Variants in MAPK8IP1 observed in about 807,000 individuals in gnomAD.
The protein encoded by MAPK8IP1 is C-Jun-amino-terminal kinase-interacting protein 1.
A neutral mutation model predicts 72.6 loss-of-function variants in MAPK8IP1; 17 were observed. The ratio of observed to expected loss-of-function variants is 0.23; its 90% CI spans 0.16 to 0.35. The LOEUF is 0.35. Among genes scored for constraint, MAPK8IP1 ranks in the 10% least tolerant of loss-of-function variants. The pLI, the probability that MAPK8IP1 is intolerant of heterozygous loss-of-function variation, is 1.00. For missense variants in MAPK8IP1, 789 were observed against 1,009.7 expected (o/e 0.78, Z 2.96); for synonymous variants, 401 against 443.4 (o/e 0.90, Z 1.20).
intron 3 of MAPK8IP1, among the ~76,000 whole-genome samples, chr11:45,901,630 CTG>C (rs1479642405): frequency 3.3e-5 from 5 of 152,122 alleles, no homozygotes; most frequent in Non-Finnish European, 7.4e-5. Context: ...GGGGGTCTGA[CTG>C]TGTCTCCAGA....
intron 2 of MAPK8IP1, 149 bp from the exon 3 acceptor site, chr11:45,899,989 G>T (rs892937689): frequency 1.8e-5 from 7 of 391,676 alleles, no homozygotes; most frequent in African/African-American, 1.5e-4. Flanking sequence ...GCGGACGGGC[G>T]AGAGCGCCCC....
chr11:45,903,154 G>A lies in MAPK8IP1; in HGVS notation c.1387G>A (p.Val463Ile), dbSNP rs201654835. 185 of 1,604,384 alleles carry A rather than the reference G, an allele frequency of 1.2e-4. No individual in the cohort carries two copies. Among genetic ancestry groups the A allele is most frequent in the Middle Eastern group, 6.4e-4 (3 of 4,710 alleles). The change falls in exon 5 of 12, where the codon GTC becomes ATC. Residue 463 changes from valine (V) to isoleucine (I), a missense_variant. Coordinates refer to ENST00000241014, the MANE Select transcript of MAPK8IP1 (RefSeq NM_005456.4). This position sits in a 1 kb window ranked among gnomAD's most constrained non-coding sequence, Gnocchi z 6.4. Reference protein sequence around the residue: ...DVHFSKKFLNVFMSGRSRSSS... With the variant: ...DVHFSKKFLNIFMSGRSRSSS... ...CCATTTCTCCAAGAAATTCCTGAAC[G>A]TCTTCATGAGTGGCCGCTCCCGCTC...
chr11:45,903,076 C>T lies in MAPK8IP1; in HGVS notation c.1309C>T (p.Pro437Ser). The T allele has an allele frequency of 6.2e-7, 1 of 1,611,500 alleles. No homozygotes were observed. Among genetic ancestry groups the T allele is most frequent in the Non-Finnish European group, 8.5e-7 (1 of 1,179,934 alleles). The change falls in exon 5 of 12, where the codon CCC becomes TCC. Residue 437 changes from proline to serine, a missense_variant. By Grantham distance (74) the Pro-to-Ser change is moderately conservative. This residue lies in a region of MAPK8IP1 where 377 missense variants were observed against 411.7 expected (regional missense o/e 0.92). Transcript: ENST00000241014. This position sits in a 1 kb window ranked among gnomAD's most constrained non-coding sequence, Gnocchi z 6.4. Reference protein sequence around the residue: ...IGEEYEEAPRPQPPACLSEDS... With the variant: ...IGEEYEEAPRSQPPACLSEDS... The stretch of plus-strand genomic sequence containing the variant: ...AGAGGAATATGAGGAGGCCCCGCGG[C>T]CCCAGCCCCCTGCCTGCCTCTCCGA...
intron 1 of MAPK8IP1, among the ~76,000 whole-genome samples, chr11:45,892,384 G>A (rs188946992): frequency 1.1e-3 from 167 of 152,294 alleles, no homozygotes; most frequent in African/African-American, 3.9e-3. Flanking sequence ...GACACCTGTG[G>A]TTAATTCATT....
Position 45,905,629 on chromosome 11 carries a change from G to A in MAPK8IP1, c.2064-20G>A, listed in dbSNP as rs202204696. The A allele has an allele frequency of 8.1e-6, 13 of 1,610,734 alleles. No homozygotes were observed. The highest frequency in any genetic ancestry group is 1.3e-5 in the African/African-American group (1 of 74,874). On this transcript the variant is annotated intron_variant, in intron 11 of 11. Coordinates refer to ENST00000241014, the MANE Select transcript of MAPK8IP1 (RefSeq NM_005456.4). ...TTGCCAGTGGCGATCTGAGCCATCT[G>A]TGTGTCCCCTGGCTTCTAGGAGAGC...
At chr11:45,893,681 G>T (rs1427859509) in intron 1 of MAPK8IP1, among the ~76,000 whole-genome samples, 1 of 152,046 alleles carries the variant, frequency 6.6e-6, no homozygotes, top group Non-Finnish European at 1.5e-5. Context: ...GCCTGCGGAG[G>T]GCCGTAGGAT....
At chr11:45,888,892 G>A (rs935249391) in intron 1 of MAPK8IP1, among the ~76,000 whole-genome samples, 1 of 151,874 alleles carries the variant, frequency 6.6e-6, no homozygotes, top group Non-Finnish European at 1.5e-5. Context: ...TAGAGACGGG[G>A]TTTCAACATG....
At chr11:45,896,538 G>A in intron 1 of MAPK8IP1, 2 of 1,126,730 alleles carry the variant, frequency 1.8e-6, no homozygotes, top group South Asian at 3.6e-5. Context: ...GGCAGGTGGA[G>A]CCAGTGGCAT....
In MAPK8IP1 at chr11:45,906,037, T is replaced by C. The variant is rs564518297; in HGVS notation, c.*316T>C. 3.9e-6 allele frequency: 2 copies of C among 513,598 alleles called. No individual in the cohort carries two copies. The highest frequency in any genetic ancestry group is 3.4e-5 in the East Asian group (1 of 29,414). The allele number at this position is 513,598 out of a possible 1,614,324, so 31.8% of individuals were successfully genotyped here. On this transcript the variant is annotated 3_prime_UTR_variant, in exon 12 of 12. Coordinates refer to ENST00000241014, the MANE Select transcript of MAPK8IP1 (RefSeq NM_005456.4). Reference sequence around the variant, plus strand: ...AGGAGCACACGGCCCTGCCCCATCCTGGGCCTTACCTCCCCTGCCAGGGCT... The same window carrying C: ...AGGAGCACACGGCCCTGCCCCATCCCGGGCCTTACCTCCCCTGCCAGGGCT...
chr11:45,896,403 A>C (rs10838528), intron 1 of MAPK8IP1: 355,651 of 377,660 alleles, frequency 0.94, 168,036 homozygotes, highest in East Asian at 1. Context: ...CTGACTGGGG[A>C]ACTGGCCCTT....
chr11:45,898,018 G>A, intron 1 of MAPK8IP1, 67 bp from the exon 2 acceptor site: 1 of 948,792 alleles, frequency 1.1e-6, no homozygotes, highest in Non-Finnish European at 1.7e-6. Context: ...CCCTGGAAGA[G>A]GTAACAGGGA....
intron 1 of MAPK8IP1, among the ~76,000 whole-genome samples, chr11:45,895,604 A>G (rs2086597367): frequency 7.2e-6 from 1 of 139,064 alleles, no homozygotes; most frequent in Admixed American, 7.6e-5. Flanking sequence ...TGGGTGACAG[A>G]GCGAAAGGCC....
intron 11 of MAPK8IP1, 100 bp downstream of exon 11, chr11:45,905,349 C>A: frequency 8.7e-7 from 1 of 1,153,204 alleles, no homozygotes; most frequent in Non-Finnish European, 1.3e-6. Flanking sequence ...TCGGTTTCCC[C>A]CGCAGCTCTG....
intron 1 of MAPK8IP1, among the ~76,000 whole-genome samples, chr11:45,889,951 GAGAC>G (rs1174715306): frequency 6.6e-6 from 1 of 152,232 alleles, no homozygotes; most frequent in Non-Finnish European, 1.5e-5. Context: ...TTGTAGAGGG[GAGAC>G]AGACAGACAG....
chr11:45,901,883 T>A, intron 3 of MAPK8IP1, 97 bp from the exon 4 acceptor site: 1 of 889,870 alleles, frequency 1.1e-6, no homozygotes, highest in Non-Finnish European at 1.9e-6. Context: ...ACACAGCAAA[T>A]GGCCCTAGGG....
At chr11:45,897,739 A>G (rs1158527030) in intron 1 of MAPK8IP1, among the ~76,000 whole-genome samples, 1 of 152,190 alleles carries the variant, frequency 6.6e-6, no homozygotes, top group East Asian at 1.9e-4. Flanking sequence ...CTCCATGGTG[A>G]ACTGGCCTTG....
rs1041010177 is a variant in MAPK8IP1, at chr11:45,885,743, G to T, written c.-78G>T. The stretch of plus-strand genomic sequence containing the variant: ...ACTCCGCGGCGGCGGCTGCCCTCTC[G>T]CCGCGCCTCCGCCTCCTTCGCAGCC... On this transcript the variant is annotated 5_prime_UTR_variant, in exon 1 of 12. Transcript: ENST00000241014. 48 of 840,742 alleles carry T rather than the reference G, an allele frequency of 5.7e-5. No homozygotes were observed. The African/African-American group carries it at 8.3e-4, about 15-fold the overall frequency. 52.1% of individuals were successfully genotyped at this position (840,742 alleles called of 1,614,324 possible). A position where few individuals can be genotyped will look rare whatever the true frequency, so the allele number is the denominator to read the frequency against.
In MAPK8IP1 at chr11:45,894,735, C is replaced by G. The variant is rs151282909; in HGVS notation, c.102-3350C>G. Among the ~76,000 whole-genome samples, 471 of 152,314 alleles carry G rather than the reference C, an allele frequency of 3.1e-3. 2 individuals are homozygous for G. Among genetic ancestry groups the G allele is most frequent in the African/African-American group, 0.01 (418 of 41,560 alleles). ...TGTATGCAGGATGAACTCGCCAGCT[C>G]TGCCCTCCAGGAGCAAGGGGAGGAA... On this transcript the variant is annotated intron_variant, in intron 1 of 11. Transcript: ENST00000241014.
Position 45,898,208 on chromosome 11 carries a change from G to A in MAPK8IP1, c.207+18G>A, listed in dbSNP as rs750711196. The A allele has an allele frequency of 1.3e-6, 2 of 1,580,460 alleles. No individual in the cohort carries two copies. The highest frequency in any genetic ancestry group is 4.5e-5 in the East Asian group (2 of 44,640). The stretch of plus-strand genomic sequence containing the variant: ...CCTTACGGGTAAGGGCAAGCTCCCA[G>A]GAGCTCCTGAGTGGGGTGGCAGGAA... On this transcript the variant is annotated intron_variant, in intron 2 of 11. Coordinates refer to ENST00000241014, the MANE Select transcript of MAPK8IP1 (RefSeq NM_005456.4).
Sources: gnomAD v4.1 joint callset for allele counts (sites outside exome capture counted in the v4.1 genomes callset) on GRCh38, gnomAD v4.1.1 for gene constraint, gnomAD v4.1.1 regional missense constraint, Gnocchi (gnomAD v3.1) non-coding constraint, MANE v1.5 for transcripts, NCBI Gene and HGNC (gene_info 2026-07-23, HGNC 2026-07-21) for gene names.